The following PCDH17 variants were observed in gnomAD, a reference collection of about 807,000 sequenced individuals.
PCDH17 encodes protocadherin 17.
A neutral mutation model predicts 67.7 loss-of-function variants in PCDH17; 21 were observed. The ratio of observed to expected loss-of-function variants is 0.31; its 90% CI spans 0.22 to 0.45. PCDH17 has a LOEUF of 0.45. Ranked by LOEUF, PCDH17 falls within the 20% of genes least tolerant of loss-of-function variation. The probability of loss-of-function intolerance (pLI) is 1.00; values close to 1 mark genes in which losing one functional copy is unlikely to be tolerated. For synonymous variants in PCDH17, 701 were observed against 656.7 expected, an observed-to-expected ratio of 1.07 and a Z score of -1.03; for missense variants, 1,471 against 1,564.8, an observed-to-expected ratio of 0.94 and a Z score of 1.01.
Position 57,634,524 on chromosome 13 carries a change from G to C in PCDH17, c.1978G>C (p.Glu660Gln), listed in dbSNP as rs1377665628. Residue 660 changes from glutamate to glutamine, a missense_variant, in exon 1 of 4, where the codon GAG (glutamate) becomes CAG (glutamine). Coordinates refer to ENST00000377918, the MANE Select transcript of PCDH17 (RefSeq NM_001040429.3). This position sits in a 1 kb window ranked among gnomAD's most constrained non-coding sequence, Gnocchi z 7.8. ...CTGGGAGGACGTGACGCCCGTGGTG[G>C]AGCTGGTGGTGAAGGTGACCGACCA... ...PFWEDVTPVVELVVKVTDHGK... is the reference protein window; with the variant it reads ...PFWEDVTPVVQLVVKVTDHGK... 1 of 1,612,892 alleles carries C rather than the reference G, an allele frequency of 6.2e-7. No individual in the cohort carries two copies. Among genetic ancestry groups the C allele is most frequent in the Non-Finnish European group, 8.5e-7 (1 of 1,180,008 alleles).
At chr13:57,719,601 A>G (rs531973041) in intron 3 of PCDH17, among the ~76,000 whole-genome samples, 1 of 152,026 alleles carries the variant, frequency 6.6e-6, no homozygotes, top group East Asian at 1.9e-4. Flanking sequence ...ATGCTCTCTA[A>G]AATTTCCCTA....
chr13:57,676,292 T>C (rs1955390520), intron 3 of PCDH17, among the ~76,000 whole-genome samples: 1 of 151,864 alleles, frequency 6.6e-6, no homozygotes, highest in African/African-American at 2.4e-5. Context: ...TTAGGTAGTA[T>C]AAAACTTGAT....
At position 57,632,522 on chromosome 13, in the gene PCDH17, C is replaced by A. The variant is rs550168104; in HGVS notation, c.-25C>A. On this transcript the variant is annotated 5_prime_UTR_variant, in exon 1 of 4. Transcript: ENST00000377918. ...CTCTGGCTCCTCCAGTCCGATTGCTCCTGCCCCCACCTTACAGGTCTGGGA... is the reference window on the plus strand; with the variant it reads ...CTCTGGCTCCTCCAGTCCGATTGCTACTGCCCCCACCTTACAGGTCTGGGA... 3.1e-6 allele frequency: 5 copies of A among 1,603,502 alleles called. No individual in the cohort carries two copies. In the South Asian group the frequency reaches 5.6e-5, roughly 18 times the overall value.
intron 1 of PCDH17, among the ~76,000 whole-genome samples, chr13:57,645,463 T>C (rs1954953639): frequency 6.6e-6 from 1 of 151,652 alleles, no homozygotes. Context: ...AAGTCTAAGA[T>C]ATTAATATAA....
chr13:57,673,193 TC>T (rs1955345123), intron 3 of PCDH17, among the ~76,000 whole-genome samples: 1 of 151,914 alleles, frequency 6.6e-6, no homozygotes, highest in Non-Finnish European at 1.5e-5. Flanking sequence ...TTTGGGAAGT[TC>T]CTTTAGATCC....
chr13:57,644,058 A>G (rs1954936096), intron 1 of PCDH17, among the ~76,000 whole-genome samples: 1 of 151,768 alleles, frequency 6.6e-6, no homozygotes, highest in South Asian at 2.1e-4. Context: ...GAAAACAGTA[A>G]CTATTTTAAT....
chr13:57,702,033 T>A (rs1358114280), intron 3 of PCDH17, among the ~76,000 whole-genome samples: 1 of 152,000 alleles, frequency 6.6e-6, no homozygotes, highest in East Asian at 1.9e-4. Context: ...TTCTTCTGCT[T>A]CAGTCTCCCG....
intron 3 of PCDH17, among the ~76,000 whole-genome samples, chr13:57,723,900 A>G (rs1182062143): frequency 2.0e-5 from 3 of 152,208 alleles, no homozygotes. Context: ...TTTGTCATTC[A>G]TTCTGACCTG....
In PCDH17 at chr13:57,634,440, G is replaced by A; in HGVS notation, c.1894G>A (p.Asp632Asn). The A allele has an allele frequency of 6.2e-7, 1 of 1,612,878 alleles. No individual in the cohort carries two copies. The change falls in exon 1 of 4, where the codon GAC (aspartate) becomes AAC (asparagine). Residue 632 changes from aspartate to asparagine, a missense_variant. Coordinates refer to ENST00000377918, the MANE Select transcript of PCDH17 (RefSeq NM_001040429.3). The surrounding 1 kb of genome is among the most constrained non-coding windows in gnomAD (Gnocchi z 7.8). ...CACCTACGAGATCGTGGACGGCAAC[G>A]ACGACCACCTGTTTGAGATCGACCC... ...RLTYEIVDGN[D>N]DHLFEIDPSS...
chr13:57,636,045 T>C (rs759240964), intron 1 of PCDH17, among the ~76,000 whole-genome samples: 12 of 152,194 alleles, frequency 7.9e-5, no homozygotes, highest in Non-Finnish European at 1.6e-4. Flanking sequence ...TTAATATATA[T>C]AAGATAGTAT....
At chr13:57,645,871 C>T (rs547541162) in intron 1 of PCDH17, among the ~76,000 whole-genome samples, 74 of 151,282 alleles carry the variant, frequency 4.9e-4, no homozygotes, top group Non-Finnish European at 8.0e-4. Flanking sequence ...TAAGGATTAC[C>T]CAACCTCAGT....
At position 57,634,880 on chromosome 13, in the gene PCDH17, C is replaced by T. The variant is rs771837972; in HGVS notation, c.2334C>T (p.Asn778=). 2.5e-6 allele frequency: 4 copies of T among 1,614,002 alleles called. No homozygotes were observed. The highest frequency in any genetic ancestry group is 3.4e-6 in the Non-Finnish European group (4 of 1,180,002). ...TGCAGAGCGAAGTGGAGGAGAGGAA[C>T]GCCATGAACGTCATGAACGTGGTGA... The part of the protein sequence containing the change: ...MLVQSEVEER[N]AMNVMNVVSS... The change falls in exon 1 of 4, where the codon AAC becomes AAT. Residue 778 remains asparagine (N), a synonymous_variant. Coordinates refer to ENST00000377918, the MANE Select transcript of PCDH17 (RefSeq NM_001040429.3). The surrounding 1 kb of genome is among the most constrained non-coding windows in gnomAD (Gnocchi z 7.8).
chr13:57,662,580 CAG>C (rs1189330813), intron 1 of PCDH17, among the ~76,000 whole-genome samples: 1 of 151,500 alleles, frequency 6.6e-6, no homozygotes, highest in Admixed American at 6.6e-5. Flanking sequence ...CTTCCACAAA[CAG>C]AGAGCTTTCC....
At position 57,724,940 on chromosome 13, in the gene PCDH17, G is replaced by A. The variant is rs534412507; in HGVS notation, c.3126G>A (p.Ala1042=). ...VPSASSSPTK[A]CIEPCTSTKG... ...CAGCATCAAGCAGCCCAACCAAGGC[G>A]TGCATCGAGCCTTGCACCTCAACAA... Residue 1042 remains alanine, a synonymous_variant, in exon 4 of 4, where the codon GCG becomes GCA. Transcript: ENST00000377918. 3.3e-5 allele frequency: 53 copies of A among 1,614,188 alleles called. No individual in the cohort carries two copies. In the Admixed American group the frequency reaches 4.3e-4, roughly 13 times the overall value.
intron 3 of PCDH17, among the ~76,000 whole-genome samples, chr13:57,722,972 G>C (rs550780623): frequency 6.6e-6 from 1 of 152,108 alleles, no homozygotes; most frequent in East Asian, 1.9e-4. Context: ...CATAAATAGA[G>C]GCTTCTGAAA....
At chr13:57,718,183 G>T (rs935470796) in intron 3 of PCDH17, among the ~76,000 whole-genome samples, 1 of 151,886 alleles carries the variant, frequency 6.6e-6, no homozygotes, top group Admixed American at 6.6e-5. Flanking sequence ...TGGATTCTCC[G>T]ATTAACATTT....
In PCDH17 at chr13:57,726,773, A is replaced by G. The variant is rs1955919300; in HGVS notation, c.*1479A>G. On this transcript the variant is annotated 3_prime_UTR_variant, in exon 4 of 4. Coordinates refer to ENST00000377918, the MANE Select transcript of PCDH17 (RefSeq NM_001040429.3). ...AATAACATACAGCTTCTGCCTGTGT[A>G]GATATTATGCCATCAGTTGGTTCTC... 1 of 152,234 alleles carries G rather than the reference A, an allele frequency of 6.6e-6. No homozygotes were observed. Among genetic ancestry groups the G allele is most frequent in the Non-Finnish European group, 1.5e-5 (1 of 68,024 alleles). The allele number at this position is 152,234 out of a possible 1,614,324, so 9.4% of individuals were successfully genotyped here.
chr13:57,641,233 G>A (rs1954888856), intron 1 of PCDH17, among the ~76,000 whole-genome samples: 1 of 151,570 alleles, frequency 6.6e-6, no homozygotes, highest in Non-Finnish European at 1.5e-5. Flanking sequence ...TTTATAGTTA[G>A]TCATAAGCTT....
At chr13:57,708,202 A>G (rs1018405093) in intron 3 of PCDH17, among the ~76,000 whole-genome samples, 7 of 152,068 alleles carry the variant, frequency 4.6e-5, no homozygotes, top group African/African-American at 1.4e-4. Context: ...AAGTAAATGT[A>G]AAGTGCTTTC....
Sources: allele counts gnomAD v4.1 joint callset (sites outside exome capture counted in the v4.1 genomes callset), GRCh38; gene constraint gnomAD v4.1.1; non-coding constraint Gnocchi (gnomAD v3.1); transcripts MANE v1.5; gene names NCBI Gene and HGNC (gene_info 2026-07-23, HGNC 2026-07-21).